EDEM3: variants seen among roughly 807,000 people sequenced by gnomAD.
EDEM3 encodes the protein ER degradation-enhancing alpha-mannosidase-like protein 3.
EDEM3 carries 60 observed loss-of-function variants against 110.2 expected under a neutral mutation model. The observed-to-expected ratio is 0.54, with a 90% CI of 0.44 to 0.67. The LOEUF is 0.67. Ranked by LOEUF, EDEM3 falls within the 30% of genes least tolerant of loss-of-function variation. EDEM3 has a pLI of 0.00. For missense variants in EDEM3, 996 were observed against 1,121.0 expected (o/e 0.89, Z 1.59); for synonymous variants, 352 against 382.9 (o/e 0.92, Z 0.94).
At chr1:184,722,950 C>T (rs1324043080) in intron 8 of EDEM3, among the ~76,000 whole-genome samples, 2 of 151,822 alleles carry the variant, frequency 1.3e-5, no homozygotes, top group Non-Finnish European at 1.5e-5. Flanking sequence ...CCTTCCCATG[C>T]TCCTGATTTA....
intron 2 of EDEM3, among the ~76,000 whole-genome samples, chr1:184,740,931 G>T (rs539573172): frequency 8.5e-5 from 13 of 152,250 alleles, no homozygotes; most frequent in African/African-American, 3.1e-4. Flanking sequence ...GATATTTCAT[G>T]ACACTGAAAG....
rs766740940 is a variant in EDEM3 at position 184,754,533 on chromosome 1, C to T, written c.114G>A (p.Thr38=). The change falls in exon 1 of 20, where the codon ACG becomes ACA. Residue 38 remains threonine (T), a synonymous_variant. Coordinates refer to ENST00000318130, the MANE Select transcript of EDEM3 (RefSeq NM_025191.4). ...CCCTACTCATGGGCTCGGCCCCCGC[C>T]GTCCACACGGAGGTGGCCGACACCA... is the stretch of plus-strand genomic sequence containing the variant. ...FCLVSATSVW[T]AGAEPMSREE... 1.2e-6 allele frequency: 2 copies of T among 1,613,254 alleles called. No individual in the cohort carries two copies. Among genetic ancestry groups the T allele is most frequent in the Non-Finnish European group, 1.7e-6 (2 of 1,179,820 alleles).
intron 8 of EDEM3, among the ~76,000 whole-genome samples, chr1:184,722,687 A>G (rs1650969171): frequency 6.6e-6 from 1 of 152,016 alleles, no homozygotes; most frequent in East Asian, 1.9e-4. Context: ...AATAAAGGTA[A>G]TAATTTTAAT....
intron 9 of EDEM3, chr1:184,720,799 T>G (rs1373962675): frequency 6.5e-6 from 1 of 153,718 alleles, no homozygotes; most frequent in Non-Finnish European, 1.4e-5. Context: ...TCAATAATCC[T>G]CCCACTTTTC....
chr1:184,712,633 T>A, intron 13 of EDEM3, 35 bp from the exon 14 acceptor site: 4 of 1,379,762 alleles, frequency 2.9e-6, no homozygotes, highest in Non-Finnish European at 2.0e-6. Flanking sequence ...TATAAGTAGA[T>A]AAAAATAATT....
At chr1:184,752,634 A>G (rs985604078) in intron 1 of EDEM3, among the ~76,000 whole-genome samples, 5 of 152,194 alleles carry the variant, frequency 3.3e-5, no homozygotes, top group African/African-American at 9.7e-5. Flanking sequence ...TTATCCAATG[A>G]CTCTTTTACA....
rs771907949 is a variant in EDEM3, at chr1:184,717,641, C to G, written c.1162-18G>C. The G allele has an allele frequency of 5.7e-6, 9 of 1,573,728 alleles. No individual in the cohort carries two copies. Among genetic ancestry groups the G allele is most frequent in the East Asian group, 2.3e-5 (1 of 42,706 alleles). ...GTAAATGCCTGAACAAAACAACATA[C>G]AAAAGGCATAAAAAATGTGATTAAA... On this transcript the variant is annotated intron_variant, in intron 11 of 19. Coordinates refer to ENST00000318130, the MANE Select transcript of EDEM3 (RefSeq NM_025191.4).
In EDEM3 at chr1:184,710,397, G is replaced by A; in HGVS notation, c.1842C>T (p.Ile614=). ...DGRVQLVQHA[I]QAASSIDAED... ...AATTAGTGTAGCAATGTCTTACTTG[G>A]ATTGCATGTTGGACCAACTGGACTC... The change falls in exon 16 of 20, where the codon ATC becomes ATT. Residue 614 remains isoleucine (I), a synonymous_variant. Transcript: ENST00000318130. The A allele has an allele frequency of 2.5e-6, 4 of 1,613,664 alleles. No homozygotes were observed. The highest frequency in any genetic ancestry group is 1.7e-6 in the Non-Finnish European group (2 of 1,179,784).
At chr1:184,736,107 C>T (rs1405943118) in intron 4 of EDEM3, among the ~76,000 whole-genome samples, 1 of 152,128 alleles carries the variant, frequency 6.6e-6, no homozygotes, top group Admixed American at 6.5e-5. Context: ...TCAACCATAA[C>T]ATCTTTTTGA....
Position 184,726,852 on chromosome 1 carries a change from C to T in EDEM3, c.613-463G>A, listed in dbSNP as rs143879704. Among the ~76,000 whole-genome samples, 425 of 152,252 alleles carry T rather than the reference C, an allele frequency of 2.8e-3. 4 individuals carry two copies. The highest frequency in any genetic ancestry group is 0.012 in the South Asian group (56 of 4,828). Reference sequence around the variant, plus strand: ...TAACTAGTTCACCATAGAGAAAAAACGGATTGTTATGGTATACATTTGAAA... The same window carrying T: ...TAACTAGTTCACCATAGAGAAAAAATGGATTGTTATGGTATACATTTGAAA... On this transcript the variant is annotated intron_variant, in intron 6 of 19. Transcript: ENST00000318130.
chr1:184,702,750 T>C, intron 19 of EDEM3, 61 bp downstream of exon 19: 1 of 1,335,576 alleles, frequency 7.5e-7, no homozygotes, highest in Non-Finnish European at 9.7e-7. Flanking sequence ...TCATTCTTGT[T>C]ATCAAACTAG....
chr1:184,721,233 T>C (rs1484150216), intron 9 of EDEM3, 56 bp downstream of exon 9: 3 of 1,365,666 alleles, frequency 2.2e-6, no homozygotes, highest in Non-Finnish European at 3.1e-6. Context: ...GGAGTTTCTA[T>C]AAAAATCTGG....
chr1:184,737,290 G>C (rs1428706135), intron 3 of EDEM3, among the ~76,000 whole-genome samples: 2 of 152,096 alleles, frequency 1.3e-5, no homozygotes, highest in Non-Finnish European at 2.9e-5. Flanking sequence ...ACATTCACTA[G>C]CTCTGAAAAC....
At chr1:184,712,055 T>C (rs976553755) in intron 14 of EDEM3, among the ~76,000 whole-genome samples, 178 bp from the exon 15 acceptor site, 1 of 151,970 alleles carries the variant, frequency 6.6e-6, no homozygotes, top group African/African-American at 2.4e-5. Context: ...GCCTTCCGAG[T>C]AGCTGGGACT....
intron 1 of EDEM3, 24 bp from the exon 2 acceptor site, chr1:184,749,616 GAAAAAA>G (rs35957626): frequency 1.6e-4 from 181 of 1,135,846 alleles, no homozygotes; most frequent in South Asian, 4.9e-4. Context: ...AGCAGAAATG[GAAAAAA>G]AAAAAAAAAA....
intron 14 of EDEM3, 38 bp from the exon 15 acceptor site, chr1:184,711,915 TATTTTACTTAACATAA>T: frequency 6.6e-7 from 1 of 1,526,550 alleles, no homozygotes; most frequent in Non-Finnish European, 8.8e-7. Flanking sequence ...CAGAAATAAT[TATTTTACTTAACATAA>T]TTTTTTTTTT....
chr1:184,747,704 G>A (rs896473355), intron 2 of EDEM3, among the ~76,000 whole-genome samples: 13 of 152,164 alleles, frequency 8.5e-5, no homozygotes, highest in African/African-American at 2.9e-4. Context: ...GTAGTTAATT[G>A]TAGCAGAAAG....
Position 184,737,649 on chromosome 1 carries a change from T to G in EDEM3, c.267A>C (p.Gln89His). 6.2e-7 allele frequency: 1 copy of G among 1,614,042 alleles called. No homozygotes were observed. The highest frequency in any genetic ancestry group is 8.5e-7 in the Non-Finnish European group (1 of 1,179,918). The change falls in exon 3 of 20, where the codon CAA becomes CAC. Residue 89 changes from glutamine to histidine, a missense_variant. Physicochemically the swap from Gln to His is conservative, Grantham distance 24. This residue lies in a region of EDEM3 where 200 missense variants were observed against 183.8 expected (regional missense o/e 1.09). Transcript: ENST00000318130. ...PLTCRGRVRG[Q>H]EPSRGDVDDA... ...CATCAACGTCACCGCGACTTGGCTCTTGGCCTCTAACTCGACCTCTACAGG... is the reference window on the plus strand; with the variant it reads ...CATCAACGTCACCGCGACTTGGCTCGTGGCCTCTAACTCGACCTCTACAGG...
At chr1:184,704,814 G>A (rs927436852) in intron 18 of EDEM3, among the ~76,000 whole-genome samples, 2 of 151,554 alleles carry the variant, frequency 1.3e-5, no homozygotes, top group South Asian at 4.2e-4. Context: ...TCCCAGCACT[G>A]TGGGAGGCCA....
Sources: allele counts gnomAD v4.1 joint callset (sites outside exome capture counted in the v4.1 genomes callset), GRCh38; gene constraint gnomAD v4.1.1; regional missense constraint gnomAD v4.1.1; transcripts MANE v1.5; gene names NCBI Gene and HGNC (gene_info 2026-07-23, HGNC 2026-07-21).